CHRNA7: variants seen among roughly 807,000 people sequenced by gnomAD.
The protein encoded by CHRNA7 is cholinergic receptor nicotinic alpha 7 subunit, also known as neuronal acetylcholine receptor subunit alpha-7.
A neutral mutation model predicts 48.0 loss-of-function variants in CHRNA7; 17 were observed. The observed-to-expected ratio is 0.35, with a 90% CI of 0.24 to 0.53. CHRNA7 has a LOEUF of 0.53. Ranked by LOEUF, CHRNA7 falls within the 20% of genes least tolerant of loss-of-function variation. The probability of loss-of-function intolerance (pLI) is 0.92; values close to 1 mark genes in which losing one functional copy is unlikely to be tolerated. For missense variants in CHRNA7, 155 were observed against 577.7 expected (o/e 0.27, Z 7.50); for synonymous variants, 75 against 242.3 (o/e 0.31, Z 6.41).
chr15:32,076,882 T>G (rs971259611), intron 2 of CHRNA7, among the ~76,000 whole-genome samples: 1 of 152,166 alleles, frequency 6.6e-6, no homozygotes, highest in African/African-American at 2.4e-5. Context: ...CATTATAATA[T>G]CATTCAGAAT....
intron 2 of CHRNA7, among the ~76,000 whole-genome samples, chr15:32,051,602 C>T (rs999968801): frequency 7.9e-5 from 12 of 152,304 alleles, no homozygotes; most frequent in East Asian, 1.9e-4. Flanking sequence ...TTGCACTTCC[C>T]GAGTGAGGCA....
Position 32,030,587 on chromosome 15 carries a change from G to A in CHRNA7, c.-8G>A. 1 of 1,531,892 alleles carries A rather than the reference G, an allele frequency of 6.5e-7. No individual in the cohort carries two copies. The highest frequency in any genetic ancestry group is 8.7e-7 in the Non-Finnish European group (1 of 1,147,276). The allele number at this position is 1,531,892 out of a possible 1,614,324, so 94.9% of individuals were successfully genotyped here. ...GCGCGCCGGCTCGCTGCAGCTCCGG[G>A]ACTCAACATGCGCTGCTCGCCGGGA... On this transcript the variant is annotated 5_prime_UTR_variant, in exon 1 of 10. Coordinates refer to ENST00000306901, the MANE Select transcript of CHRNA7 (RefSeq NM_000746.6).
At position 32,147,207 on chromosome 15, in the gene CHRNA7, T is replaced by C. The variant is rs376354430; in HGVS notation, c.351-6700T>C. On this transcript the variant is annotated intron_variant, in intron 4 of 9. Coordinates refer to ENST00000306901, the MANE Select transcript of CHRNA7 (RefSeq NM_000746.6). ...GTGGGAGCTAAACACTGGGTACTCA[T>C]GGACATAAAGATGGCAACAACAGAC... 1.1e-3 allele frequency among the ~76,000 whole-genome samples: 172 copies of C among 152,204 alleles called. 3 individuals carry two copies. In the South Asian group the frequency reaches 0.034, roughly 30 times the overall value.
At chr15:32,113,627 A>G (rs1203377789) in intron 4 of CHRNA7, among the ~76,000 whole-genome samples, 3 of 152,194 alleles carry the variant, frequency 2.0e-5, no homozygotes, top group Non-Finnish European at 4.4e-5. Context: ...GGATGTGTGT[A>G]GCACACTTAG....
Position 32,127,440 on chromosome 15 carries a change from C to T in CHRNA7, c.350+15541C>T, listed in dbSNP as rs769476691. ...TCCCACCTAAGTGATCAAGTAATTC[C>T]GCATCCTCCCCAGAATTTGGTGTTA... On this transcript the variant is annotated intron_variant, in intron 4 of 9. Coordinates refer to ENST00000306901, the MANE Select transcript of CHRNA7 (RefSeq NM_000746.6). Among the ~76,000 whole-genome samples, 6 of 152,162 alleles carry T rather than the reference C, an allele frequency of 3.9e-5. 1 individual carries two copies. The highest frequency in any genetic ancestry group is 2.0e-4 in the Admixed American group (3 of 15,282).
chr15:32,094,988 G>A (rs948939236), intron 2 of CHRNA7, among the ~76,000 whole-genome samples: 5 of 152,250 alleles, frequency 3.3e-5, no homozygotes, highest in Admixed American at 2.6e-4. Context: ...AGTCCTTGCA[G>A]CATGCTGCAG....
intron 2 of CHRNA7, among the ~76,000 whole-genome samples, chr15:32,093,384 T>G (rs945664034): frequency 1.1e-4 from 17 of 152,200 alleles, no homozygotes; most frequent in Admixed American, 3.9e-4. Flanking sequence ...GAAAAGTGCA[T>G]GCTTGAACTC....
chr15:32,105,466 A>AGAGGAGGAGAGGAGGAAAG (rs368068926), intron 3 of CHRNA7, among the ~76,000 whole-genome samples: 15 of 149,562 alleles, frequency 1.0e-4, no homozygotes, highest in East Asian at 7.8e-4. Flanking sequence ...AGGAGGAGGA[A>AGAGGAGGAGAGGAGGAAAG]GAGGAGGAGA....
chr15:32,133,322 A>G (rs1402248304), intron 4 of CHRNA7, among the ~76,000 whole-genome samples: 1 of 152,174 alleles, frequency 6.6e-6, no homozygotes, highest in Non-Finnish European at 1.5e-5. Flanking sequence ...GAGCTCCTTC[A>G]CGTCCATTTA....
intron 2 of CHRNA7, among the ~76,000 whole-genome samples, chr15:32,070,669 CTTTTTTTTTTTTTTTTTTTTTTT>C (rs71113441): frequency 1.5e-4 from 6 of 40,850 alleles, no homozygotes; most frequent in Non-Finnish European, 2.3e-4. Context: ...GGTTTAGTTC[CTTTTTTTTTTTTTTTTTTTTTTT>C]TTTTTTTTTT....
intron 4 of CHRNA7, among the ~76,000 whole-genome samples, chr15:32,120,483 C>G (rs1282577908): frequency 6.6e-6 from 1 of 151,806 alleles, no homozygotes; most frequent in Non-Finnish European, 1.5e-5. Context: ...CGCCTCTTGA[C>G]TGATTTCACT....
At chr15:32,091,356 T>C (rs1044085400) in intron 2 of CHRNA7, among the ~76,000 whole-genome samples, 4 of 152,152 alleles carry the variant, frequency 2.6e-5, no homozygotes, top group African/African-American at 9.7e-5. Flanking sequence ...ATTTTCTTTC[T>C]TTTGTCTTTT....
intron 4 of CHRNA7, among the ~76,000 whole-genome samples, chr15:32,142,161 G>A (rs1263997146): frequency 6.6e-6 from 1 of 152,182 alleles, no homozygotes; most frequent in Non-Finnish European, 1.5e-5. Flanking sequence ...GGCCTTTTCT[G>A]CATCTATTGA....
intron 2 of CHRNA7, among the ~76,000 whole-genome samples, chr15:32,052,002 A>G (rs951226549): frequency 5.3e-5 from 8 of 152,116 alleles, no homozygotes; most frequent in African/African-American, 1.9e-4. Context: ...CTTGAGCTCA[A>G]AATTTTCCAC....
At chr15:32,110,574 A>C (rs1169039349) in intron 3 of CHRNA7, among the ~76,000 whole-genome samples, 2 of 152,300 alleles carry the variant, frequency 1.3e-5, no homozygotes, top group African/African-American at 4.8e-5. Context: ...CCCTCCTCAG[A>C]GAATGGTTGG....
At chr15:32,157,282 T>C (rs2051759251) in intron 5 of CHRNA7, 1 of 172,116 alleles carries the variant, frequency 5.8e-6, no homozygotes, top group South Asian at 6.0e-5. Context: ...TTCTCTGAGA[T>C]ATTTTGCATT....
At position 32,030,610 on chromosome 15, in the gene CHRNA7, G is replaced by A. The variant is rs1901764644; in HGVS notation, c.16G>A (p.Gly6Arg). The change falls in exon 1 of 10, where the codon GGA becomes AGA. Residue 6 changes from glycine to arginine, a missense_variant. Gly to Arg is a moderately radical substitution (Grantham distance 125). Coordinates refer to ENST00000306901, the MANE Select transcript of CHRNA7 (RefSeq NM_000746.6). Reference sequence around the variant, plus strand: ...GGGACTCAACATGCGCTGCTCGCCGGGAGGCGTCTGGCTGGCGCTGGCCGC... The same window carrying A: ...GGGACTCAACATGCGCTGCTCGCCGAGAGGCGTCTGGCTGGCGCTGGCCGC... MRCSP[G>R]GVWLALAASL... The A allele has an allele frequency of 1.3e-6, 2 of 1,560,988 alleles. No individual in the cohort carries two copies. The highest frequency in any genetic ancestry group is 2.3e-5 in the South Asian group (2 of 85,184).
intron 4 of CHRNA7, among the ~76,000 whole-genome samples, chr15:32,153,156 C>T (rs572071854): frequency 3.9e-5 from 6 of 152,302 alleles, no homozygotes; most frequent in East Asian, 1.9e-4. Flanking sequence ...CACGGTGGCT[C>T]ACGCCTATAA....
chr15:32,152,516 C>T (rs1207777894), intron 4 of CHRNA7, among the ~76,000 whole-genome samples: 5 of 152,236 alleles, frequency 3.3e-5, no homozygotes, highest in South Asian at 4.2e-4. Context: ...CGAGAGAGTG[C>T]GGGAAACCTG....
Sources: allele counts gnomAD v4.1 joint callset (sites outside exome capture counted in the v4.1 genomes callset), GRCh38; gene constraint gnomAD v4.1.1; transcripts MANE v1.5; gene names NCBI Gene and HGNC (gene_info 2026-07-23, HGNC 2026-07-21).